DNAH9: variants seen among roughly 807,000 people sequenced by gnomAD.
DNAH9 encodes the protein DNAH9 variant protein.
In DNAH9, 345 loss-of-function variants were observed where a neutral mutation model predicts 471.6. The ratio of observed to expected loss-of-function variants is 0.73; its 90% CI spans 0.67 to 0.80. DNAH9 has a LOEUF of 0.80. Ranked by LOEUF, DNAH9 falls within the 30% of genes least tolerant of loss-of-function variation. DNAH9 has a pLI of 0.00. For synonymous variants in DNAH9, 2,093 were observed against 2,123.6 expected (o/e 0.99, Z 0.40); for missense variants, 5,407 against 5,609.2 (o/e 0.96, Z 1.15).
intron 49 of DNAH9, among the ~76,000 whole-genome samples, chr17:11,838,995 T>C (rs1244232715): frequency 6.6e-6 from 1 of 152,144 alleles, no homozygotes; most frequent in African/African-American, 2.4e-5. Flanking sequence ...CTCTGCACAC[T>C]TTAAGTCTCC....
intron 61 of DNAH9, among the ~76,000 whole-genome samples, chr17:11,914,543 T>TA (rs1973879781): frequency 1.3e-5 from 2 of 152,194 alleles, no homozygotes; most frequent in Non-Finnish European, 2.9e-5. Context: ...TCATGAGAAG[T>TA]AAAAATTTGG....
chr17:11,957,375 T>C lies in DNAH9; in HGVS notation c.12844-4492T>C, dbSNP rs1975699317. On this transcript the variant is annotated intron_variant, in intron 67 of 68. Coordinates refer to ENST00000262442, the MANE Select transcript of DNAH9 (RefSeq NM_001372.4). Reference sequence around the variant, plus strand: ...ATAAACTCTTCTACTTCCAGGAAGATGGATAGACTTATGTTTCCCTATTCC... The same window carrying C: ...ATAAACTCTTCTACTTCCAGGAAGACGGATAGACTTATGTTTCCCTATTCC... 2.6e-5 allele frequency among the ~76,000 whole-genome samples: 4 copies of C among 152,204 alleles called. No homozygotes were observed. The South Asian group carries it at 8.3e-4, about 32-fold the overall frequency.
chr17:11,886,105 C>A (rs1310854902), intron 56 of DNAH9, among the ~76,000 whole-genome samples: 1 of 152,086 alleles, frequency 6.6e-6, no homozygotes, highest in Non-Finnish European at 1.5e-5. Flanking sequence ...GGTGGATCAC[C>A]TGAGGTCAGG....
chr17:11,693,206 C>T (rs554296067), intron 20 of DNAH9, among the ~76,000 whole-genome samples: 87 of 149,902 alleles, frequency 5.8e-4, no homozygotes, highest in Non-Finnish European at 1.1e-3. Context: ...AGCCACCGCG[C>T]CCAGCTTATT....
At chr17:11,719,516 G>A in intron 27 of DNAH9, 26 bp downstream of exon 27, 2 of 1,590,894 alleles carry the variant, frequency 1.3e-6, no homozygotes, top group Non-Finnish European at 1.7e-6. Flanking sequence ...GCTTCCTGGG[G>A]GTGGGGGTGG....
chr17:11,712,041 TATTTATATATAA>T (rs2074861059), intron 26 of DNAH9, among the ~76,000 whole-genome samples: 1 of 8,564 alleles, frequency 1.2e-4, no homozygotes, highest in Non-Finnish European at 3.4e-4. Context: ...TATTTATATA[TATTTATATATAA>T]ATATATATAT....
chr17:11,682,882 A>T (rs2074159735), intron 19 of DNAH9, among the ~76,000 whole-genome samples: 1 of 152,194 alleles, frequency 6.6e-6, no homozygotes, highest in Non-Finnish European at 1.5e-5. Flanking sequence ...TCCCTTTAGA[A>T]TAATTGCCTT....
At chr17:11,640,909 C>A (rs1484883100) in intron 10 of DNAH9, among the ~76,000 whole-genome samples, 1 of 152,058 alleles carries the variant, frequency 6.6e-6, no homozygotes, top group Non-Finnish European at 1.5e-5. Flanking sequence ...CTGACGGTGA[C>A]CAGGTTTGGA....
At chr17:11,713,406 G>T (rs1479084144) in intron 26 of DNAH9, among the ~76,000 whole-genome samples, 1 of 151,988 alleles carries the variant, frequency 6.6e-6, no homozygotes, top group Non-Finnish European at 1.5e-5. Flanking sequence ...ATATTCCTCT[G>T]GGTATATACC....
chr17:11,630,512 A>G (rs1228360406), intron 7 of DNAH9: 4 of 152,286 alleles, frequency 2.6e-5, no homozygotes, highest in African/African-American at 9.6e-5. Context: ...ACACATGGAC[A>G]CAGGGAGGGA....
intron 5 of DNAH9, among the ~76,000 whole-genome samples, chr17:11,619,144 C>A (rs999879155): frequency 2.6e-5 from 4 of 152,260 alleles, no homozygotes; most frequent in African/African-American, 9.6e-5. Context: ...ACAGCTCCAG[C>A]TTTTCAGTTT....
intron 12 of DNAH9, among the ~76,000 whole-genome samples, chr17:11,649,995 G>C (rs1003241122): frequency 6.6e-6 from 1 of 152,138 alleles, no homozygotes; most frequent in Non-Finnish European, 1.5e-5. Flanking sequence ...TTTATGTTTT[G>C]TGGTTTTATG....
In DNAH9 at chr17:11,722,340, G is replaced by A. The variant is rs184466096; in HGVS notation, c.5709+2850G>A. ...GATGCAGAAAGGAACTGCAGGCTTC[G>A]GAACTGGAGCAAAAGCATAAAGATT... On this transcript the variant is annotated intron_variant, in intron 27 of 68. Coordinates refer to ENST00000262442, the MANE Select transcript of DNAH9 (RefSeq NM_001372.4). Among the ~76,000 whole-genome samples, 13 of 152,272 alleles carry A rather than the reference G, an allele frequency of 8.5e-5. No individual in the cohort carries two copies. The East Asian group carries it at 1.7e-3, about 20-fold the overall frequency.
In DNAH9 at chr17:11,922,506, T is replaced by C. The variant is rs1256648123; in HGVS notation, c.11750-1308T>C. Among the ~76,000 whole-genome samples the C allele has an allele frequency of 2.0e-5, 3 of 152,194 alleles. No individual in the cohort carries two copies. In the South Asian group the frequency reaches 6.2e-4, roughly 31 times the overall value. Reference sequence around the variant, plus strand: ...TCTATATTAGGGTCATTTCTTTGTGTTGTTTCCCTTGGGCGTGGAGAGCAG... The same window carrying C: ...TCTATATTAGGGTCATTTCTTTGTGCTGTTTCCCTTGGGCGTGGAGAGCAG... On this transcript the variant is annotated intron_variant, in intron 61 of 68. Transcript: ENST00000262442.
chr17:11,932,963 A>G lies in DNAH9; in HGVS notation c.12297+758A>G, dbSNP rs1035379620. ...AGTTCAGGAGCCAAACACAGAGTCAACAGGGCCACCACCTCTTCCTCGTGG... is the reference window on the plus strand; with the variant it reads ...AGTTCAGGAGCCAAACACAGAGTCAGCAGGGCCACCACCTCTTCCTCGTGG... On this transcript the variant is annotated intron_variant, in intron 64 of 68. Coordinates refer to ENST00000262442, the MANE Select transcript of DNAH9 (RefSeq NM_001372.4). This position sits in a 1 kb window ranked among gnomAD's most constrained non-coding sequence, Gnocchi z 4.3. 6.6e-6 allele frequency among the ~76,000 whole-genome samples: 1 copy of G among 152,210 alleles called. No individual in the cohort carries two copies. The highest frequency in any genetic ancestry group is 2.4e-5 in the African/African-American group (1 of 41,454).
Position 11,629,423 on chromosome 17 carries a change from C to G in DNAH9, c.1357C>G (p.Leu453Val). 6.2e-7 allele frequency: 1 copy of G among 1,613,964 alleles called. No individual in the cohort carries two copies. Residue 453 changes from leucine (L) to valine (V), a missense_variant, in exon 7 of 69, where the codon CTG becomes GTG. By Grantham distance (32) the Leu-to-Val change is conservative. Around this residue, in one of 3 missense-constraint regions of DNAH9, gnomAD observed 767 missense variants for 692.5 expected, o/e 1.11. Coordinates refer to ENST00000262442, the MANE Select transcript of DNAH9 (RefSeq NM_001372.4). ...LGQLHVVEGL[L>V]KTALDFHKLG... ...TTGTGAATTGTCCCCATAGGGTCTT[C>G]TGAAGACGGCCCTGGATTTCCACAA... is the stretch of plus-strand genomic sequence containing the variant.
At chr17:11,734,124 A>C (rs2150824612) in intron 28 of DNAH9, among the ~76,000 whole-genome samples, 1 of 152,188 alleles carries the variant, frequency 6.6e-6, no homozygotes. Context: ...ATGTAGCCCC[A>C]CGCTATTCAA....
intron 49 of DNAH9, 68 bp from the exon 50 acceptor site, chr17:11,853,935 T>G: frequency 6.7e-7 from 1 of 1,482,038 alleles, no homozygotes. Flanking sequence ...ACAACCTAAC[T>G]CCATCAGTGG....
At chr17:11,682,564 C>A (rs184316568) in intron 19 of DNAH9, among the ~76,000 whole-genome samples, 1 of 151,654 alleles carries the variant, frequency 6.6e-6, no homozygotes, top group Non-Finnish European at 1.5e-5. Context: ...GGTTAAGAGG[C>A]GGGGAAGGAC....
Sources: allele counts gnomAD v4.1 joint callset (sites outside exome capture counted in the v4.1 genomes callset), GRCh38; gene constraint gnomAD v4.1.1; regional missense constraint gnomAD v4.1.1; non-coding constraint Gnocchi (gnomAD v3.1); transcripts MANE v1.5; gene names NCBI Gene and HGNC (gene_info 2026-07-23, HGNC 2026-07-21).